Variants in DLG2 observed in about 807,000 individuals in gnomAD.
DLG2 encodes the protein disks large homolog 2.
In DLG2, 45 loss-of-function variants were observed where a neutral mutation model predicts 132.5. That is an observed-to-expected ratio of 0.34 (90% CI 0.27 to 0.44). The LOEUF (loss-of-function observed/expected upper bound fraction) is 0.44. Among genes scored for constraint, DLG2 ranks in the 20% least tolerant of loss-of-function variants. The pLI is 1.00. For synonymous variants in DLG2, 424 were observed against 419.6 expected (o/e 1.01, Z -0.13); for missense variants, 1,045 against 1,196.9 (o/e 0.87, Z 1.87).
chr11:84,648,554 G>A (rs957952444), intron 6 of DLG2, among the ~76,000 whole-genome samples: 10 of 152,146 alleles, frequency 6.6e-5, no homozygotes, highest in Admixed American at 5.2e-4. Flanking sequence ...GATACCCAAT[G>A]TTGGAGGTGG....
chr11:84,349,444 G>C (rs1486493606), intron 7 of DLG2, among the ~76,000 whole-genome samples: 2 of 149,384 alleles, frequency 1.3e-5, no homozygotes, highest in Non-Finnish European at 1.5e-5. Flanking sequence ...CAACCCTTTG[G>C]AAAAAGGGTC....
At chr11:85,152,663 T>G (rs1210966636) in intron 5 of DLG2, among the ~76,000 whole-genome samples, 5 of 152,256 alleles carry the variant, frequency 3.3e-5, no homozygotes, top group Non-Finnish European at 7.3e-5. Flanking sequence ...ACAGCTAGTC[T>G]AAGTGACTTG....
chr11:83,825,110 C>CAT (rs2052172625), intron 17 of DLG2, among the ~76,000 whole-genome samples: 4 of 135,332 alleles, frequency 3.0e-5, no homozygotes, highest in Admixed American at 1.6e-4. Context: ...TATATATAGA[C>CAT]ATATATATAC....
chr11:85,323,100 T>G (rs2081194572), intron 3 of DLG2, among the ~76,000 whole-genome samples: 1 of 152,224 alleles, frequency 6.6e-6, no homozygotes, highest in Non-Finnish European at 1.5e-5. Flanking sequence ...CACCTGTCAC[T>G]TTTTCCTTCA....
intron 18 of DLG2, among the ~76,000 whole-genome samples, chr11:83,667,497 T>G (rs2075846724): frequency 6.6e-6 from 1 of 152,212 alleles, no homozygotes; most frequent in Non-Finnish European, 1.5e-5. Context: ...GAATTTCATG[T>G]GAGCTTCACA....
chr11:83,893,996 C>T (rs2070776874), intron 15 of DLG2, among the ~76,000 whole-genome samples: 1 of 152,154 alleles, frequency 6.6e-6, no homozygotes, highest in Non-Finnish European at 1.5e-5. Flanking sequence ...ATCCTTTCTC[C>T]CACCTCCAAA....
intron 4 of DLG2, among the ~76,000 whole-genome samples, chr11:85,237,615 T>G (rs553281047): frequency 6.6e-5 from 10 of 152,090 alleles, no homozygotes; most frequent in Admixed American, 3.9e-4. Flanking sequence ...CTGAAAAACT[T>G]TAAAACTGAG....
At chr11:84,050,515 T>C (rs567795500) in intron 11 of DLG2, among the ~76,000 whole-genome samples, 113 of 152,136 alleles carry the variant, frequency 7.4e-4, no homozygotes, top group Non-Finnish European at 1.4e-3. Flanking sequence ...AGAAGCTCTT[T>C]AGTTTAATGA....
chr11:84,636,332 A>G (rs1430562591), intron 6 of DLG2, among the ~76,000 whole-genome samples: 1 of 152,224 alleles, frequency 6.6e-6, no homozygotes, highest in Non-Finnish European at 1.5e-5. Flanking sequence ...ATTAAGAAGT[A>G]TTGAAAAGTA....
At chr11:83,841,155 G>A (rs1235381151) in intron 16 of DLG2, among the ~76,000 whole-genome samples, 3 of 152,176 alleles carry the variant, frequency 2.0e-5, no homozygotes, top group African/African-American at 7.2e-5. Context: ...ATATCCTGGA[G>A]GTGAGGTATC....
chr11:84,606,683 A>G (rs1256013126), intron 6 of DLG2, among the ~76,000 whole-genome samples: 2 of 152,168 alleles, frequency 1.3e-5, no homozygotes, highest in Non-Finnish European at 2.9e-5. Flanking sequence ...TCTATATTCA[A>G]GTAAAAACAA....
At chr11:84,342,169 G>A (rs1433672224) in intron 7 of DLG2, among the ~76,000 whole-genome samples, 5 of 152,168 alleles carry the variant, frequency 3.3e-5, no homozygotes, top group Non-Finnish European at 5.9e-5. Context: ...TCACCCAGGA[G>A]ACTGCTCACT....
chr11:83,683,980 A>C (rs912411388), intron 18 of DLG2, among the ~76,000 whole-genome samples: 9 of 152,074 alleles, frequency 5.9e-5, no homozygotes, highest in African/African-American at 2.2e-4. Context: ...TCATCAGCCC[A>C]AGAAAGCAAA....
chr11:85,199,306 A>G (rs1188120592), intron 4 of DLG2, among the ~76,000 whole-genome samples: 1 of 152,220 alleles, frequency 6.6e-6, no homozygotes, highest in African/African-American at 2.4e-5. Context: ...CAATGCACAC[A>G]TATTTTATGT....
intron 7 of DLG2, among the ~76,000 whole-genome samples, chr11:84,445,643 G>A (rs751297825): frequency 3.3e-5 from 5 of 151,936 alleles, no homozygotes; most frequent in Non-Finnish European, 5.9e-5. Flanking sequence ...ATGGCCGGGC[G>A]CGGTGGCTCA....
At chr11:84,749,338 A>C (rs1366674688) in intron 6 of DLG2, among the ~76,000 whole-genome samples, 1 of 152,200 alleles carries the variant, frequency 6.6e-6, no homozygotes. Context: ...TAGAACCTCT[A>C]TAGCCACCCC....
At chr11:85,610,531 A>G (rs1286721092) in intron 2 of DLG2, among the ~76,000 whole-genome samples, 2 of 152,148 alleles carry the variant, frequency 1.3e-5, no homozygotes, top group African/African-American at 4.8e-5. Flanking sequence ...ATCTTGCCCC[A>G]CGGGTTTAGG....
rs559199428 is a variant in DLG2 at position 84,615,818 on chromosome 11, T to TAAAAAAA, written c.358-81094_358-81088dup. ...AGAGAAAATTTCAGGACAAAAACGG[T>TAAAAAAA]AAAAAAAAAAAAAAAAAAAAAACTT... On this transcript the variant is annotated intron_variant, in intron 6 of 27. Coordinates refer to ENST00000376104, the MANE Select transcript of DLG2 (RefSeq NM_001142699.3). Among the ~76,000 whole-genome samples the TAAAAAAA allele has an allele frequency of 5.9e-4, 40 of 67,630 alleles. 1 individual carries two copies. Among genetic ancestry groups the TAAAAAAA allele is most frequent in the East Asian group, 7.7e-4 (2 of 2,588 alleles). 44.4% of individuals were successfully genotyped at this position (67,630 alleles called of 152,430 possible). A position where few individuals can be genotyped will look rare whatever the true frequency, so the allele number is the denominator to read the frequency against.
chr11:84,081,111 C>T (rs1023925533), intron 10 of DLG2, among the ~76,000 whole-genome samples: 20 of 151,424 alleles, frequency 1.3e-4, no homozygotes, highest in South Asian at 4.2e-4. Flanking sequence ...TAGGAGAAGA[C>T]AGAAAATTAT....
Sources: allele counts gnomAD v4.1 joint callset (sites outside exome capture counted in the v4.1 genomes callset), GRCh38; gene constraint gnomAD v4.1.1; transcripts MANE v1.5; gene names NCBI Gene and HGNC (gene_info 2026-07-23, HGNC 2026-07-21).